The following TRIM42 variants were observed in gnomAD, a reference collection of about 807,000 sequenced individuals.
TRIM42 encodes tripartite motif containing 42.
In TRIM42, 59 loss-of-function variants were observed where a neutral mutation model predicts 64.9. The observed-to-expected ratio is 0.91, with a 90% CI of 0.74 to 1.13. The LOEUF (loss-of-function observed/expected upper bound fraction) is 1.13, where lower values mean the gene tolerates loss of function less well. Ranked by LOEUF, TRIM42 falls within the 50% of genes most tolerant of loss-of-function variation. The probability of loss-of-function intolerance (pLI) is 0.00; values close to 1 mark genes in which losing one functional copy is unlikely to be tolerated. For synonymous variants in TRIM42, 354 were observed against 346.3 expected (o/e 1.02, Z -0.25); for missense variants, 878 against 929.5 (o/e 0.94, Z 0.72).
chr3:140,701,053 C>A lies in TRIM42; in HGVS notation c.*79C>A. On this transcript the variant is annotated 3_prime_UTR_variant, in exon 5 of 5. Transcript: ENST00000286349. The stretch of plus-strand genomic sequence containing the variant: ...CACACATATATGTATGTATATTTTT[C>A]TCACCACATTCTTCAAGGAGGTTGT... 8.0e-7 allele frequency: 1 copy of A among 1,254,702 alleles called. No homozygotes were observed. The highest frequency in any genetic ancestry group is 1.1e-6 in the Non-Finnish European group (1 of 900,040). 77.7% of individuals were successfully genotyped at this position (1,254,702 alleles called of 1,614,324 possible).
chr3:140,690,873 T>C, intron 3 of TRIM42, 95 bp from the exon 4 acceptor site: 2 of 1,044,780 alleles, frequency 1.9e-6, no homozygotes, highest in Non-Finnish European at 2.9e-6. Flanking sequence ...CAGCTTAAAC[T>C]CACCCCACAG....
At chr3:140,681,333 A>T (rs988848361) in intron 1 of TRIM42, among the ~76,000 whole-genome samples, 1 of 152,238 alleles carries the variant, frequency 6.6e-6, no homozygotes, top group East Asian at 1.9e-4. Flanking sequence ...TTGAATGCTT[A>T]CTATGTACCA....
rs148437702 is a variant in TRIM42 at position 140,688,389 on chromosome 3, C to A, written c.1707C>A (p.Asp569Glu). The part of the protein sequence containing the change: ...AQSATPAKPT[D>E]GLYTYWSAGA... ...CAGCCACCCCCGCCAAACCCACAGA[C>A]GGCCTCTACACCTACTGGAGTGCTG... is the stretch of plus-strand genomic sequence containing the variant. The change falls in exon 3 of 5, where the codon GAC (aspartate) becomes GAA (glutamate). Residue 569 changes from aspartate (D) to glutamate (E), a missense_variant. By Grantham distance (45) the Asp-to-Glu change is conservative. Transcript: ENST00000286349. The A allele has an allele frequency of 3.1e-6, 5 of 1,614,050 alleles. No homozygotes were observed. The African/African-American group carries it at 6.7e-5, about 22-fold the overall frequency.
In TRIM42 at chr3:140,678,545, G is replaced by A. The variant is rs776918585; in HGVS notation, c.316G>A (p.Gly106Ser). 1.2e-6 allele frequency: 2 copies of A among 1,613,802 alleles called. No homozygotes were observed. Among genetic ancestry groups the A allele is most frequent in the Non-Finnish European group, 1.7e-6 (2 of 1,179,842 alleles). The change falls in exon 1 of 5, where the codon GGC becomes AGC. Residue 106 changes from glycine (G) to serine (S), a missense_variant. Transcript: ENST00000286349. ...CRNTIITFHK[G>S]RLRSIHTSSK... ...CAATACCATCATCACTTTCCACAAG[G>A]GCCGCCTCAGGAGCATCCATACCTC... is the stretch of plus-strand genomic sequence containing the variant.
At chr3:140,686,594 C>T (rs565719830) in intron 2 of TRIM42, among the ~76,000 whole-genome samples, 5 of 152,308 alleles carry the variant, frequency 3.3e-5, no homozygotes, top group African/African-American at 9.6e-5. Context: ...CTTGTTACAA[C>T]GACCACCACT....
chr3:140,686,930 T>C (rs1988558807), intron 2 of TRIM42, among the ~76,000 whole-genome samples: 2 of 152,240 alleles, frequency 1.3e-5, no homozygotes, highest in Admixed American at 6.5e-5. Context: ...TTTGGATTTA[T>C]TCATACCTTG....
chr3:140,695,680 C>T (rs1435202119), intron 4 of TRIM42, among the ~76,000 whole-genome samples: 1 of 152,182 alleles, frequency 6.6e-6, no homozygotes, highest in African/African-American at 2.4e-5. Context: ...GCCTGGCCAT[C>T]ATGAAATTCC....
In TRIM42 at chr3:140,678,376, C is replaced by T. The variant is rs1224642648; in HGVS notation, c.147C>T (p.Asn49=). The stretch of plus-strand genomic sequence containing the variant: ...CCTGCCCTTACAAAGATGAGCGGAA[C>T]TGCCAGTTCTGCCACTGCACCTGTT... ...CFPCPYKDER[N]CQFCHCTCSE... is the part of the protein sequence containing the mutation. The change falls in exon 1 of 5, where the codon AAC becomes AAT. Residue 49 remains asparagine (N), a synonymous_variant. Transcript: ENST00000286349. 1 of 1,614,226 alleles carries T rather than the reference C, an allele frequency of 6.2e-7. No individual in the cohort carries two copies.
Position 140,678,409 on chromosome 3 carries a change from C to T in TRIM42, c.180C>T (p.Ser60=). Residue 60 remains serine (S), a synonymous_variant, in exon 1 of 5, where the codon AGC becomes AGT. Coordinates refer to ENST00000286349, the MANE Select transcript of TRIM42 (RefSeq NM_152616.5). ...TCTGCCACTGCACCTGTTCTGAGAG[C>T]CCCAACTGCCATTGGTGTTGCTGCT... ...CQFCHCTCSE[S]PNCHWCCCSW... 6.2e-7 allele frequency: 1 copy of T among 1,614,194 alleles called. No individual in the cohort carries two copies. Among genetic ancestry groups the T allele is most frequent in the Non-Finnish European group, 8.5e-7 (1 of 1,180,030 alleles).
At chr3:140,696,487 A>C (rs1349679596) in intron 4 of TRIM42, among the ~76,000 whole-genome samples, 2 of 152,180 alleles carry the variant, frequency 1.3e-5, no homozygotes, top group African/African-American at 4.8e-5. Context: ...AGCCTTATAT[A>C]TGTCACCTTA....
chr3:140,681,879 AAT>A (rs1553762650), intron 1 of TRIM42, among the ~76,000 whole-genome samples: 1 of 151,730 alleles, frequency 6.6e-6, no homozygotes, highest in African/African-American at 2.4e-5. Context: ...AAAAAAAAAA[AAT>A]CAACTAGGTT....
At chr3:140,686,829 G>T (rs1327321156) in intron 2 of TRIM42, among the ~76,000 whole-genome samples, 1 of 151,964 alleles carries the variant, frequency 6.6e-6, no homozygotes, top group Non-Finnish European at 1.5e-5. Context: ...GCTAACAAAG[G>T]TATTCATTTC....
chr3:140,699,986 T>C (rs1321076607), intron 4 of TRIM42, among the ~76,000 whole-genome samples: 1 of 152,194 alleles, frequency 6.6e-6, no homozygotes, highest in African/African-American at 2.4e-5. Context: ...TAAACATTCC[T>C]CTTCACCATA....
rs186354364 is a variant in TRIM42, at chr3:140,681,444, G to T, written c.342-1018G>T. ...ACTTATAGTTGAGAAAACTGAACAT[G>T]AGAGAGGTTTAAAAAAACATCTCAG... is the stretch of plus-strand genomic sequence containing the variant. On this transcript the variant is annotated intron_variant, in intron 1 of 4. Coordinates refer to ENST00000286349, the MANE Select transcript of TRIM42 (RefSeq NM_152616.5). Among the ~76,000 whole-genome samples, 183 of 147,010 alleles carry T rather than the reference G, an allele frequency of 1.2e-3. 2 individuals carry two copies. Among genetic ancestry groups the T allele is most frequent in the Middle Eastern group, 3.4e-3 (1 of 292 alleles).
intron 2 of TRIM42, among the ~76,000 whole-genome samples, chr3:140,684,297 A>G (rs557133430): frequency 6.0e-4 from 92 of 152,130 alleles, no homozygotes; most frequent in Non-Finnish European, 9.1e-4. Flanking sequence ...TTGACAATCT[A>G]CTTTGTGCTA....
In TRIM42 at chr3:140,682,499, C is replaced by G. The variant is rs149207203; in HGVS notation, c.379C>G (p.Gln127Glu). 63 of 1,614,080 alleles carry G rather than the reference C, an allele frequency of 3.9e-5. No homozygotes were observed. The African/African-American group carries it at 6.5e-4, about 17-fold the overall frequency. The change falls in exon 2 of 5, where the codon CAG becomes GAG. Residue 127 changes from glutamine (Q) to glutamate (E), a missense_variant. By Grantham distance (29) the Gln-to-Glu change is conservative (BLOSUM62 2). Coordinates refer to ENST00000286349, the MANE Select transcript of TRIM42 (RefSeq NM_152616.5). The part of the protein sequence containing the change: ...TALRTGSSDT[Q>E]VDEVKSIPAN... ...CCTGCGCACTGGGAGCAGCGATACC[C>G]AGGTGGATGAAGTAAAGTCAATACC... is the stretch of plus-strand genomic sequence containing the variant.
chr3:140,688,455 C>CA lies in TRIM42; in HGVS notation c.1775dup (p.Asn592LysfsTer43), dbSNP rs1559937830. 6.2e-7 allele frequency: 1 copy of CA among 1,614,216 alleles called. No homozygotes were observed. The highest frequency in any genetic ancestry group is 8.5e-7 in the Non-Finnish European group (1 of 1,180,042). On this transcript the variant is annotated frameshift_variant, in exon 3 of 5. Coordinates refer to ENST00000286349, the MANE Select transcript of TRIM42 (RefSeq NM_152616.5). LOFTEE classifies it high-confidence loss of function. ...CTGTACAGAACAGCAGCAGCTTCCA[C>CA]AACTGGTACTCATTCAACGATGGCT... is the stretch of plus-strand genomic sequence containing the variant.
Position 140,682,826 on chromosome 3 carries a change from A to G in TRIM42, c.706A>G (p.Ile236Val). The G allele has an allele frequency of 5.0e-6, 8 of 1,614,106 alleles. No homozygotes were observed. The highest frequency in any genetic ancestry group is 6.8e-6 in the Non-Finnish European group (8 of 1,180,028). The part of the protein sequence containing the change: ...KWRFDRSSGP[I>V]LCQVCRNKRI... ...GCGCTTTGACCGCTCCTCCGGGCCC[A>G]TCCTCTGCCAGGTCTGCCGCAACAA... Residue 236 changes from isoleucine (I) to valine (V), a missense_variant, in exon 2 of 5, where the codon ATC becomes GTC. Physicochemically the swap from Ile to Val is conservative, Grantham distance 29. Transcript: ENST00000286349.
chr3:140,693,984 C>CAA (rs1239669690), intron 4 of TRIM42, among the ~76,000 whole-genome samples: 1 of 152,108 alleles, frequency 6.6e-6, no homozygotes, highest in African/African-American at 2.4e-5. Flanking sequence ...CTGTAAGAAG[C>CAA]AAAGTGTCTT....
Sources: gnomAD v4.1 joint callset for allele counts (sites outside exome capture counted in the v4.1 genomes callset) on GRCh38, gnomAD v4.1.1 for gene constraint, MANE v1.5 for transcripts, NCBI Gene and HGNC (gene_info 2026-07-23, HGNC 2026-07-21) for gene names.